ALPK2: variants seen among roughly 807,000 people sequenced by gnomAD.
The protein encoded by ALPK2 is alpha kinase 2.
ALPK2 carries 127 observed loss-of-function variants against 163.1 expected under a neutral mutation model. The observed-to-expected ratio is 0.78, with a 90% confidence interval of 0.67 to 0.90. The LOEUF (loss-of-function observed/expected upper bound fraction) is 0.90. ALPK2 is among the 40% of genes least tolerant of loss of function. The pLI, the probability that ALPK2 is intolerant of heterozygous loss-of-function variation, is 0.00. For missense variants in ALPK2, 2,360 were observed against 2,589.6 expected, an observed-to-expected ratio of 0.91 and a Z score of 1.92; for synonymous variants, 953 against 959.1, an observed-to-expected ratio of 0.99 and a Z score of 0.12.
intron 4 of ALPK2, among the ~76,000 whole-genome samples, chr18:58,569,160 C>G (rs1003855621): frequency 3.9e-5 from 6 of 152,158 alleles, no homozygotes; most frequent in African/African-American, 1.4e-4. Context: ...AAGCAGTAAC[C>G]AGGCCACTGC....
intron 3 of ALPK2, among the ~76,000 whole-genome samples, chr18:58,606,986 G>T (rs2052101558): frequency 1.3e-5 from 2 of 152,200 alleles, no homozygotes; most frequent in Non-Finnish European, 1.5e-5. Context: ...GGACAACAAT[G>T]CTGAGATCCT....
chr18:58,559,763 CA>C (rs1416815545), intron 4 of ALPK2, among the ~76,000 whole-genome samples: 1 of 152,172 alleles, frequency 6.6e-6, no homozygotes, highest in Non-Finnish European at 1.5e-5. Context: ...AAGCCAAAGA[CA>C]ACTGGAATTT....
rs10689097 is a variant in ALPK2, at chr18:58,564,123, C to CTTTTTTTTTTTTTTTT, written c.1962+14675_1962+14690dup. On this transcript the variant is annotated intron_variant, in intron 4 of 12. Transcript: ENST00000361673. ...GAATTGCGTATTTGATGTCTTTGTT[C>CTTTTTTTTTTTTTTTT]TTTTTTTTTTTTTTTTGAGATGGAG... Among the ~76,000 whole-genome samples the CTTTTTTTTTTTTTTTT allele has an allele frequency of 8.1e-3, 832 of 102,354 alleles. 107 individuals carry two copies. Among genetic ancestry groups the CTTTTTTTTTTTTTTTT allele is most frequent in the East Asian group, 0.033 (111 of 3,374 alleles). The allele number at this position is 102,354 out of a possible 152,430, so 67.1% of individuals were successfully genotyped here.
intron 3 of ALPK2, among the ~76,000 whole-genome samples, chr18:58,598,902 G>A (rs572805681): frequency 6.6e-6 from 1 of 152,308 alleles, no homozygotes; most frequent in African/African-American, 2.4e-5. Flanking sequence ...GTTCTCAGAA[G>A]GTGTCAATGG....
chr18:58,578,422 CT>C (rs2051933234), intron 4 of ALPK2: 1 of 161,674 alleles, frequency 6.2e-6, no homozygotes, highest in African/African-American at 2.4e-5. Context: ...CCCCTTCTTC[CT>C]TTAAAGGCTA....
At position 58,529,173 on chromosome 18, in the gene ALPK2, T is replaced by C. The variant is rs780756445; in HGVS notation, c.5419A>G (p.Ser1807Gly). The C allele has an allele frequency of 2.7e-5, 43 of 1,614,008 alleles. No individual in the cohort carries two copies. The highest frequency in any genetic ancestry group is 3.4e-5 in the Non-Finnish European group (40 of 1,179,984). ...TCATGAATTTCTGCAAATTGGCAGCTTAATTTTACATTTCCAGAGTGTTCA... is the reference window on the plus strand; with the variant it reads ...TCATGAATTTCTGCAAATTGGCAGCCTAATTTTACATTTCCAGAGTGTTCA... ...FPEHSGNVKLSCQFAEIHEDS... is the reference protein window; with the variant it reads ...FPEHSGNVKLGCQFAEIHEDS... Residue 1807 changes from serine (S) to glycine (G), a missense_variant, in exon 6 of 13, where the codon AGC becomes GGC. Transcript: ENST00000361673.
At chr18:58,538,456 G>T in intron 4 of ALPK2, 1 of 474,082 alleles carries the variant, frequency 2.1e-6, no homozygotes, top group Non-Finnish European at 3.7e-6. Context: ...ATCATTATAA[G>T]CAAAAAGCCT....
chr18:58,584,803 G>A (rs544049460), intron 3 of ALPK2, among the ~76,000 whole-genome samples: 1 of 152,330 alleles, frequency 6.6e-6, no homozygotes, highest in African/African-American at 2.4e-5. Flanking sequence ...ATGGGAAAAA[G>A]GAGTTCAGAG....
At chr18:58,505,699 G>C (rs1311107178) in intron 10 of ALPK2, among the ~76,000 whole-genome samples, 1 of 152,096 alleles carries the variant, frequency 6.6e-6, no homozygotes, top group East Asian at 1.9e-4. Context: ...ATCCGCTGTA[G>C]ACTCGCTGTC....
intron 8 of ALPK2, among the ~76,000 whole-genome samples, chr18:58,522,647 T>C (rs1004315247): frequency 1.3e-5 from 2 of 152,128 alleles, no homozygotes; most frequent in Non-Finnish European, 2.9e-5. Flanking sequence ...GCTCAGCTAG[T>C]CAAACTGAAA....
chr18:58,514,933 C>T (rs1439223384), intron 10 of ALPK2, 60 bp downstream of exon 10: 17 of 1,333,602 alleles, frequency 1.3e-5, no homozygotes, highest in South Asian at 4.0e-5. Flanking sequence ...CTCACTCTCT[C>T]GTCCCTCCTA....
At position 58,537,786 on chromosome 18, in the gene ALPK2, C is replaced by T. The variant is rs936299642; in HGVS notation, c.2401G>A (p.Val801Met). 10 of 1,614,052 alleles carry T rather than the reference C, an allele frequency of 6.2e-6. No homozygotes were observed. In the African/African-American group the frequency reaches 1.1e-4, roughly 17 times the overall value. Residue 801 changes from valine to methionine, a missense_variant, in exon 5 of 13, where the codon GTG (valine) becomes ATG (methionine). By Grantham distance (21) the Val-to-Met change is conservative. Transcript: ENST00000361673. ...GCCTCAAAACACTCCATTGCACACA[C>T]TGCTTCTCTGTCCCTTGGCTCATCA... ...VCDEPRDREA[V>M]CAMECFEAGD...
intron 12 of ALPK2, among the ~76,000 whole-genome samples, chr18:58,490,821 G>A (rs529431769): frequency 6.6e-6 from 1 of 152,274 alleles, no homozygotes; most frequent in East Asian, 1.9e-4. Context: ...TGTGAGACAG[G>A]AGTCCCGAAG....
At chr18:58,585,443 G>T (rs962301547) in intron 3 of ALPK2, among the ~76,000 whole-genome samples, 1 of 152,112 alleles carries the variant, frequency 6.6e-6, no homozygotes, top group African/African-American at 2.4e-5. Flanking sequence ...ACAGAAGATG[G>T]TTGGATTTTT....
rs2052133475 is a variant in ALPK2, at chr18:58,611,812, C to T, written c.-15G>A. On this transcript the variant is annotated 5_prime_UTR_variant, in exon 2 of 13. The change creates a new upstream start codon in the 5' untranslated region. Transcript: ENST00000361673. ...GAGTCTTTCATCCTTTCATGCCGCA[C>T]CAAATCTGAAAAAAAAAAAAATCCC... The T allele has an allele frequency of 2.0e-6, 3 of 1,501,216 alleles. No homozygotes were observed. The highest frequency in any genetic ancestry group is 2.7e-6 in the Non-Finnish European group (3 of 1,106,870). The allele number at this position is 1,501,216 out of a possible 1,614,324, so 93.0% of individuals were successfully genotyped here.
At chr18:58,486,495 T>C (rs2051339693) in intron 12 of ALPK2, among the ~76,000 whole-genome samples, 1 of 152,174 alleles carries the variant, frequency 6.6e-6, no homozygotes, top group African/African-American at 2.4e-5. Context: ...AGAACGCCTG[T>C]CCAGGGGAGG....
At chr18:58,583,035 C>A (rs915696495) in intron 3 of ALPK2, among the ~76,000 whole-genome samples, 6 of 152,188 alleles carry the variant, frequency 3.9e-5, no homozygotes, top group African/African-American at 1.4e-4. Flanking sequence ...AGATTCTCTC[C>A]TGAATCGGGA....
At chr18:58,614,263 G>T (rs1307423383) in intron 1 of ALPK2, among the ~76,000 whole-genome samples, 1 of 152,238 alleles carries the variant, frequency 6.6e-6, no homozygotes, top group East Asian at 1.9e-4. Context: ...TGGGACAGGT[G>T]TGGAAGACTG....
intron 6 of ALPK2, among the ~76,000 whole-genome samples, chr18:58,525,764 G>A (rs576996912): frequency 6.3e-4 from 96 of 152,218 alleles, no homozygotes; most frequent in African/African-American, 2.1e-3. Flanking sequence ...TGACACCGGC[G>A]TGTGAAGCTT....
Sources: gnomAD v4.1 joint callset for allele counts (sites outside exome capture counted in the v4.1 genomes callset) on GRCh38, gnomAD v4.1.1 for gene constraint, MANE v1.5 for transcripts, NCBI Gene and HGNC (gene_info 2026-07-23, HGNC 2026-07-21) for gene names.